DMD: variants seen among roughly 807,000 people sequenced by gnomAD.
DMD encodes the protein mutant dystrophin.
Under a neutral mutation model 330.1 loss-of-function variants are expected in DMD, and 63 were observed. The observed-to-expected ratio is 0.19, with a 90% confidence interval of 0.16 to 0.24. The LOEUF is 0.24. DMD is among the 10% of genes least tolerant of loss of function. The pLI, the probability that DMD is intolerant of heterozygous loss-of-function variation, is 1.00. For missense variants in DMD, 3,344 were observed against 2,684.1 expected, an observed-to-expected ratio of 1.25 and a Z score of -5.43; for synonymous variants, 1,223 against 959.8, an observed-to-expected ratio of 1.27 and a Z score of -5.07.
chrX:32,375,901 C>T (rs1224246635), intron 34 of DMD, among the ~76,000 whole-genome samples: 1 of 111,641 alleles, frequency 9.0e-6, no homozygotes, highest in Non-Finnish European at 1.9e-5. Context: ...TTTTAAAGGG[C>T]ACAGCATTAG....
rs1324928256 is a variant in DMD, at chrX:32,637,011, A to C, written c.1331+7121T>G. On this transcript the variant is annotated intron_variant, in intron 11 of 78. Transcript: ENST00000357033. Reference sequence around the variant, plus strand: ...ACTCTGTCTCAAAAAAAAAAGAAAAAGAAAAAGAAAAAGATTCTTGTGGCA... The same window carrying C: ...ACTCTGTCTCAAAAAAAAAAGAAAACGAAAAAGAAAAAGATTCTTGTGGCA... 1.6e-4 allele frequency among the ~76,000 whole-genome samples: 18 copies of C among 111,024 alleles called. 1 individual carries two copies. Among genetic ancestry groups the C allele is most frequent in the Admixed American group, 1.5e-3 (16 of 10,442 alleles).
intron 52 of DMD, among the ~76,000 whole-genome samples, chrX:31,681,012 C>T (rs1024073047): frequency 2.7e-5 from 3 of 111,138 alleles, no homozygotes; most frequent in Admixed American, 9.6e-5. Context: ...AAATTTCTCT[C>T]ATATATAACT....
intron 44 of DMD, among the ~76,000 whole-genome samples, chrX:32,087,128 C>G (rs1461276331): frequency 9.0e-6 from 1 of 111,658 alleles, no homozygotes; most frequent in Non-Finnish European, 1.9e-5. Flanking sequence ...AAAATTGATT[C>G]AAAATTTTCG....
chrX:32,773,853 T>G (rs1331391607), intron 7 of DMD, among the ~76,000 whole-genome samples: 1 of 112,098 alleles, frequency 8.9e-6, no homozygotes, highest in Non-Finnish European at 1.9e-5. Context: ...TCCTACAACC[T>G]ATCCATATTC....
At chrX:31,777,099 T>C (rs2090716249) in intron 50 of DMD, among the ~76,000 whole-genome samples, 1 of 112,106 alleles carries the variant, frequency 8.9e-6, no homozygotes, top group East Asian at 2.8e-4. Flanking sequence ...GAAAAGTCAA[T>C]GTGCAGTAAG....
chrX:31,676,572 C>A (rs776889883), intron 53 of DMD, among the ~76,000 whole-genome samples: 2 of 110,978 alleles, frequency 1.8e-5, no homozygotes, highest in Non-Finnish European at 3.8e-5. Flanking sequence ...TTTTCAGATT[C>A]TTATGGGGTT....
intron 50 of DMD, among the ~76,000 whole-genome samples, chrX:31,811,574 T>C (rs747528788): frequency 1.6e-4 from 18 of 112,440 alleles, no homozygotes; most frequent in African/African-American, 4.8e-4. Flanking sequence ...GGATAGGGTT[T>C]AAAATGGATT....
chrX:32,929,126 C>A (rs949368750), intron 2 of DMD, among the ~76,000 whole-genome samples: 2 of 110,935 alleles, frequency 1.8e-5, no homozygotes, highest in Non-Finnish European at 3.8e-5. Flanking sequence ...TCATGAAGAG[C>A]TGGTTTATGT....
intron 54 of DMD, among the ~76,000 whole-genome samples, chrX:31,629,204 T>G (rs189206061): frequency 1.9e-3 from 213 of 111,971 alleles, no homozygotes; most frequent in Middle Eastern, 4.7e-3. Context: ...CATTGCTTGT[T>G]AAGATGTGAT....
chrX:33,275,507 T>C (rs2053220130), intron 1 of DMD, among the ~76,000 whole-genome samples: 2 of 112,266 alleles, frequency 1.8e-5, no homozygotes, highest in South Asian at 3.6e-4. Flanking sequence ...CGTATGTTCA[T>C]GTATCACTAA....
At chrX:32,069,734 C>A (rs2096283150) in intron 44 of DMD, among the ~76,000 whole-genome samples, 3 of 111,801 alleles carry the variant, frequency 2.7e-5, no homozygotes, top group Non-Finnish European at 5.6e-5. Context: ...GTTGACTTGT[C>A]AGAGTGCATT....
At chrX:32,453,860 A>G (rs768110317) in intron 26 of DMD, among the ~76,000 whole-genome samples, 1 of 111,254 alleles carries the variant, frequency 9.0e-6, no homozygotes, top group Non-Finnish European at 1.9e-5. Flanking sequence ...TTAATATTTC[A>G]AGTCATTCTC....
intron 55 of DMD, among the ~76,000 whole-genome samples, chrX:31,513,131 C>T (rs2071812265): frequency 1.1e-5 from 1 of 93,708 alleles, no homozygotes; most frequent in Non-Finnish European, 2.1e-5. Flanking sequence ...ATTTGGCTCT[C>T]TGTTTGTCTG....
intron 2 of DMD, among the ~76,000 whole-genome samples, chrX:32,993,411 C>T (rs1007166417): frequency 9.1e-5 from 10 of 110,147 alleles, no homozygotes; most frequent in Admixed American, 6.8e-4. Context: ...CAAGACCAGC[C>T]TGGGCAACAC....
At chrX:33,076,948 G>A (rs1423455933) in intron 1 of DMD, among the ~76,000 whole-genome samples, 2 of 111,398 alleles carry the variant, frequency 1.8e-5, no homozygotes, top group Non-Finnish European at 3.8e-5. Context: ...GGAAGCCAGT[G>A]AGCCAGGAGT....
Position 32,509,129 on chromosome X carries a change from A to G in DMD, c.2293-7287T>C, listed in dbSNP as rs770749594. On this transcript the variant is annotated intron_variant, in intron 18 of 78. Coordinates refer to ENST00000357033, the MANE Select transcript of DMD (RefSeq NM_004006.3). ...CTGGCCACGGAAACATTTTTGACAC[A>G]AGAGATGATGAGAGTACCTTGTTCG... Among the ~76,000 whole-genome samples the G allele has an allele frequency of 3.7e-5, 4 of 108,143 alleles. No individual in the cohort carries two copies. In the East Asian group the frequency reaches 8.8e-4, roughly 24 times the overall value. 93.9% of individuals were successfully genotyped at this position (108,143 alleles called of 115,157 possible). A position where few individuals can be genotyped will look rare whatever the true frequency, so the allele number is the denominator to read the frequency against.
intron 1 of DMD, among the ~76,000 whole-genome samples, chrX:33,217,601 A>G (rs1406328597): frequency 8.9e-6 from 1 of 111,741 alleles, no homozygotes; most frequent in Non-Finnish European, 1.9e-5. Context: ...AATACAATTA[A>G]TTTTTAATAA....
rs187046433 is a variant in DMD at position 33,113,643 on chromosome X, A to G, written c.32-93443T>C. 5.5e-5 allele frequency among the ~76,000 whole-genome samples: 6 copies of G among 109,233 alleles called. 1 individual carries two copies. In the East Asian group the frequency reaches 9.2e-4, roughly 17 times the overall value. 94.9% of individuals were successfully genotyped at this position (109,233 alleles called of 115,157 possible). A position where few individuals can be genotyped will look rare whatever the true frequency, so the allele number is the denominator to read the frequency against. The stretch of plus-strand genomic sequence containing the variant: ...AACTGTTGTAACACAGAGCCATTAT[A>G]ATGTAATTAGACAGACTAAGAACCA... On this transcript the variant is annotated intron_variant, in intron 1 of 78. Coordinates refer to ENST00000357033, the MANE Select transcript of DMD (RefSeq NM_004006.3).
chrX:32,755,562 C>T (rs1253690976), intron 7 of DMD, among the ~76,000 whole-genome samples: 1 of 111,841 alleles, frequency 8.9e-6, no homozygotes, highest in Non-Finnish European at 1.9e-5. Context: ...AGGAGTAATA[C>T]ATGTTTTATA....
Sources: gnomAD v4.1 joint callset for allele counts (sites outside exome capture counted in the v4.1 genomes callset) on GRCh38, gnomAD v4.1.1 for gene constraint, MANE v1.5 for transcripts, NCBI Gene and HGNC (gene_info 2026-07-23, HGNC 2026-07-21) for gene names.